Variants in PRELID2 observed in about 807,000 individuals in gnomAD.
PRELID2 encodes the protein PRELI domain-containing protein 2.
In PRELID2, 25 loss-of-function variants were observed where a neutral mutation model predicts 28.4. That is an observed-to-expected ratio of 0.88 (90% CI 0.64 to 1.23). The LOEUF is 1.23. Ranked by LOEUF, PRELID2 falls within the 50% of genes most tolerant of loss-of-function variation. PRELID2 has a pLI of 0.00. For missense variants in PRELID2, 201 were observed against 214.4 expected, an observed-to-expected ratio of 0.94 and a Z score of 0.39; for synonymous variants, 76 against 71.6, an observed-to-expected ratio of 1.06 and a Z score of -0.31.
the PRELID2 span, among the ~76,000 whole-genome samples, chr5:145,286,682 C>T: frequency 1.3e-5 from 2 of 151,002 alleles, no homozygotes; most frequent in Non-Finnish European, 2.9e-5. Flanking sequence ...TGAGATTTGA[C>T]TGCCAACATA....
At position 145,506,735 on chromosome 5, in the gene PRELID2, A is replaced by G. The variant is rs965680093; in HGVS notation, n.71-33420T>C. On this transcript the variant is annotated intron_variant and non_coding_transcript_variant, in intron 1 of 2. Transcript: ENST00000510259. Reference sequence around the variant, plus strand: ...GGGTAGATATATAATCCTATTAAGGACAATGAAGGATTAAGACCAATAATT... The same window carrying G: ...GGGTAGATATATAATCCTATTAAGGGCAATGAAGGATTAAGACCAATAATT... Among the ~76,000 whole-genome samples, 4 of 152,294 alleles carry G rather than the reference A, an allele frequency of 2.6e-5. No individual in the cohort carries two copies. The South Asian group carries it at 8.3e-4, about 32-fold the overall frequency.
intron 1 of PRELID2, among the ~76,000 whole-genome samples, chr5:145,637,592 G>T (rs1257119624): frequency 1.3e-5 from 2 of 151,946 alleles, no homozygotes; most frequent in Non-Finnish European, 2.9e-5. Context: ...AAGGTGAAAT[G>T]AATAATGAAT....
intron 1 of PRELID2, among the ~76,000 whole-genome samples, chr5:145,513,567 G>A (rs1202409306): frequency 6.6e-6 from 1 of 152,048 alleles, no homozygotes; most frequent in Non-Finnish European, 1.5e-5. Flanking sequence ...CACTCTTCAG[G>A]ATAACATCCA....
At chr5:145,358,707 G>T in the PRELID2 span, among the ~76,000 whole-genome samples, 2 of 152,118 alleles carry the variant, frequency 1.3e-5, no homozygotes, top group African/African-American at 4.8e-5. Context: ...AAGGGAAAAT[G>T]GTCCCTTCAA....
the PRELID2 span, among the ~76,000 whole-genome samples, chr5:145,321,752 A>C: frequency 6.6e-6 from 1 of 152,214 alleles, no homozygotes; most frequent in African/African-American, 2.4e-5. Context: ...TGAAGGGAGA[A>C]ATACAAAACT....
chr5:145,533,395 G>GGGATA (rs1752672104), intron 1 of PRELID2, among the ~76,000 whole-genome samples: 1 of 151,978 alleles, frequency 6.6e-6, no homozygotes. Flanking sequence ...CATAATAATT[G>GGGATA]GGATAGCATG....
the PRELID2 span, among the ~76,000 whole-genome samples, chr5:145,290,428 G>T: frequency 6.6e-6 from 1 of 152,122 alleles, no homozygotes; most frequent in African/African-American, 2.4e-5. Context: ...CCATAAAAAA[G>T]GATGAGTTCA....
intron 1 of PRELID2, among the ~76,000 whole-genome samples, chr5:145,591,165 G>A (rs575967522): frequency 2.0e-5 from 3 of 151,674 alleles, no homozygotes; most frequent in Non-Finnish European, 4.4e-5. Context: ...GCATGGTAGC[G>A]CATGCCTGGG....
intron 1 of PRELID2, among the ~76,000 whole-genome samples, chr5:145,505,314 A>G (rs1752399323): frequency 6.6e-6 from 1 of 152,158 alleles, no homozygotes; most frequent in South Asian, 2.1e-4. Flanking sequence ...TTAGAAAAAT[A>G]CACTCCCTCT....
At position 145,775,820 on chromosome 5, in the gene PRELID2, A is replaced by G. The variant is rs181528202; in HGVS notation, c.475-10820T>C. On this transcript the variant is annotated intron_variant, in intron 5 of 6. Transcript: ENST00000683046. ...CTTGACTTCACTCCTCATCCTTTGCACTACCTGTGGAGTGAAGGAACAGTA... is the reference window on the plus strand; with the variant it reads ...CTTGACTTCACTCCTCATCCTTTGCGCTACCTGTGGAGTGAAGGAACAGTA... Among the ~76,000 whole-genome samples, 26 of 152,366 alleles carry G rather than the reference A, an allele frequency of 1.7e-4. No individual in the cohort carries two copies. In the East Asian group the frequency reaches 4.2e-3, roughly 25 times the overall value.
chr5:145,615,785 T>C (rs372346790), intron 1 of PRELID2, among the ~76,000 whole-genome samples: 2 of 152,206 alleles, frequency 1.3e-5, no homozygotes, highest in East Asian at 3.9e-4. Flanking sequence ...TCTGTGTACA[T>C]TGTTTTAATC....
the PRELID2 span, among the ~76,000 whole-genome samples, chr5:145,294,983 C>A: frequency 6.6e-6 from 1 of 152,094 alleles, no homozygotes. Context: ...AGCTTCACAG[C>A]CATTTTGCTG....
At chr5:145,596,750 A>G (rs1247459117) in intron 1 of PRELID2, among the ~76,000 whole-genome samples, 1 of 152,218 alleles carries the variant, frequency 6.6e-6, no homozygotes, top group East Asian at 1.9e-4. Context: ...TGACTTTAAG[A>G]GAAGTCAGTC....
intron 4 of PRELID2, among the ~76,000 whole-genome samples, chr5:145,803,395 G>T (rs541720758): frequency 5.1e-4 from 45 of 87,682 alleles, no homozygotes; most frequent in Admixed American, 1.7e-3. Context: ...GTATTTATAC[G>T]TGTAAAATCA....
intron 4 of PRELID2, among the ~76,000 whole-genome samples, chr5:145,805,838 G>A (rs767987017): frequency 1.6e-4 from 24 of 152,062 alleles, no homozygotes; most frequent in African/African-American, 3.9e-4. Context: ...TTACTATACC[G>A]CATACTGTAT....
At chr5:145,790,064 A>G (rs1024725419) in intron 5 of PRELID2, among the ~76,000 whole-genome samples, 1 of 152,232 alleles carries the variant, frequency 6.6e-6, no homozygotes, top group Non-Finnish European at 1.5e-5. Flanking sequence ...AAATTGGTAT[A>G]CCCATTATGG....
At chr5:145,569,172 A>G (rs1408525916) in intron 1 of PRELID2, among the ~76,000 whole-genome samples, 1 of 152,250 alleles carries the variant, frequency 6.6e-6, no homozygotes, top group Admixed American at 6.5e-5. Flanking sequence ...AAGCAATGAA[A>G]TCTTGTTAAA....
intron 1 of PRELID2, among the ~76,000 whole-genome samples, chr5:145,627,959 C>G (rs1285738495): frequency 6.6e-6 from 1 of 152,160 alleles, no homozygotes; most frequent in Non-Finnish European, 1.5e-5. Context: ...TGCCATGCTT[C>G]AATGTTTATT....
rs568402680 is a variant in PRELID2 at position 145,586,092 on chromosome 5, G to A, written n.71-112777C>T. Among the ~76,000 whole-genome samples the A allele has an allele frequency of 9.2e-5, 14 of 152,098 alleles. No homozygotes were observed. The South Asian group carries it at 2.9e-3, about 32-fold the overall frequency. On this transcript the variant is annotated intron_variant and non_coding_transcript_variant, in intron 1 of 2. Transcript: ENST00000510259. ...GAAAACTGAGAGTTGATCCACAAAAGCAGATTTCTTATAAGAAAAAGTCAT... is the reference window on the plus strand; with the variant it reads ...GAAAACTGAGAGTTGATCCACAAAAACAGATTTCTTATAAGAAAAAGTCAT...
Sources: allele counts gnomAD v4.1 joint callset (sites outside exome capture counted in the v4.1 genomes callset), GRCh38; gene constraint gnomAD v4.1.1; transcripts MANE v1.5; gene names NCBI Gene and HGNC (gene_info 2026-07-23, HGNC 2026-07-21).